The following ZFHX3 variants were observed in gnomAD, a reference collection of about 807,000 sequenced individuals.
ZFHX3 encodes zinc finger homeobox 3.
In ZFHX3, 42 loss-of-function variants were observed where a neutral mutation model predicts 279.1. The observed-to-expected ratio is 0.15, with a 90% CI of 0.12 to 0.19. ZFHX3 has a LOEUF of 0.19. Ranked by LOEUF, ZFHX3 falls within the 10% of genes least tolerant of loss-of-function variation. The pLI, the probability that ZFHX3 is intolerant of heterozygous loss-of-function variation, is 1.00. For missense variants in ZFHX3, 4,981 were observed against 4,754.0 expected, an observed-to-expected ratio of 1.05 and a Z score of -1.40; for synonymous variants, 2,293 against 1,957.8, an observed-to-expected ratio of 1.17 and a Z score of -4.52.
chr16:73,654,199 A>G (rs1007683929), intron 2 of ZFHX3, among the ~76,000 whole-genome samples: 1 of 151,776 alleles, frequency 6.6e-6, no homozygotes, highest in Non-Finnish European at 1.5e-5. Context: ...AAAAAAAAAA[A>G]AGATAAAAAG....
intron 1 of ZFHX3, among the ~76,000 whole-genome samples, chr16:73,728,016 C>CG (rs1749805308): frequency 2.4e-4 from 1 of 4,132 alleles, no homozygotes; most frequent in Non-Finnish European, 7.3e-4. Context: ...CCGAATTGTG[C>CG]CCCCCCCCCG....
At chr16:73,337,897 G>GC (rs947571193) in intron 3 of ZFHX3, among the ~76,000 whole-genome samples, 1 of 140,744 alleles carries the variant, frequency 7.1e-6, no homozygotes, top group South Asian at 2.3e-4. Flanking sequence ...CTTGGCGGGG[G>GC]GGGGGGTCCT....
chr16:73,716,758 T>C (rs1051227077), intron 1 of ZFHX3, among the ~76,000 whole-genome samples: 4 of 152,134 alleles, frequency 2.6e-5, no homozygotes, highest in African/African-American at 9.7e-5. Context: ...TCTGCATTTG[T>C]TCGGCTCCTT....
chr16:73,078,302 C>T (rs1339506001), intron 8 of ZFHX3, among the ~76,000 whole-genome samples: 1 of 152,134 alleles, frequency 6.6e-6, no homozygotes, highest in African/African-American at 2.4e-5. Flanking sequence ...CAGAGACAAC[C>T]TCGAAGTCAA....
intron 1 of ZFHX3, among the ~76,000 whole-genome samples, chr16:73,810,335 G>A (rs945743045): frequency 2.6e-5 from 4 of 152,086 alleles, no homozygotes; most frequent in Non-Finnish European, 4.4e-5. Context: ...TTCTCTTTCA[G>A]GGAAGATCAA....
At chr16:72,990,279 C>T (rs1963031490) in intron 1 of ZFHX3, among the ~76,000 whole-genome samples, 1 of 152,204 alleles carries the variant, frequency 6.6e-6, no homozygotes, top group Admixed American at 6.5e-5. Context: ...TCTCCCAGGT[C>T]CTGGCCTGTA....
At chr16:72,898,439 C>T (rs907226886) in intron 3 of ZFHX3, among the ~76,000 whole-genome samples, 2 of 152,162 alleles carry the variant, frequency 1.3e-5, no homozygotes, top group Non-Finnish European at 2.9e-5. Context: ...TTTTCCCTTG[C>T]ACGAATCACA....
At chr16:72,812,846 C>T (rs199796404) in intron 5 of ZFHX3, among the ~76,000 whole-genome samples, 5 of 152,228 alleles carry the variant, frequency 3.3e-5, no homozygotes, top group South Asian at 4.2e-4. Flanking sequence ...ACAGCACGTA[C>T]GGAAGTGCTG....
chr16:73,066,286 C>T (rs1298979242), intron 8 of ZFHX3, among the ~76,000 whole-genome samples: 2 of 152,090 alleles, frequency 1.3e-5, no homozygotes, highest in Non-Finnish European at 1.5e-5. Flanking sequence ...TGTTGTATAG[C>T]GCAGGCCCCT....
intron 2 of ZFHX3, among the ~76,000 whole-genome samples, chr16:73,674,010 A>G (rs1157473106): frequency 1.3e-5 from 2 of 152,162 alleles, no homozygotes; most frequent in South Asian, 2.1e-4. Context: ...AAACAAAAAC[A>G]TCTCCCAAAC....
intron 4 of ZFHX3, among the ~76,000 whole-genome samples, chr16:72,854,445 C>T: frequency 6.6e-6 from 1 of 152,090 alleles, no homozygotes. Flanking sequence ...AGAGGGAAGG[C>T]TTAAAGAATG....
chr16:73,481,927 C>A (rs1388596611), intron 2 of ZFHX3, among the ~76,000 whole-genome samples: 1 of 152,078 alleles, frequency 6.6e-6, no homozygotes, highest in Non-Finnish European at 1.5e-5. Context: ...GGTCTTGAGC[C>A]CTGTTGTCAT....
Position 73,097,248 on chromosome 16 carries a change from T to TTTTTTC in ZFHX3, c.-896-3651_-896-3650insGAAAAA, listed in dbSNP as rs1174267560. Among the ~76,000 whole-genome samples the TTTTTTC allele has an allele frequency of 2.1e-4, 31 of 150,660 alleles. 1 individual carries two copies. The highest frequency in any genetic ancestry group is 7.1e-4 in the African/African-American group (29 of 40,782). On this transcript the variant is annotated intron_variant, in intron 7 of 17. Transcript: ENST00000641206. ...TAATTTTAATTTTTTTTTTTTTTTT[T>TTTTTTC]TGTAGAGACAGGACTTGCTCTGTTG... is the stretch of plus-strand genomic sequence containing the variant.
At chr16:73,681,369 G>A (rs2053008082) in intron 1 of ZFHX3, among the ~76,000 whole-genome samples, 1 of 152,122 alleles carries the variant, frequency 6.6e-6, no homozygotes, top group South Asian at 2.1e-4. Context: ...AATGCAGCAG[G>A]CATAGAGTAA....
intron 4 of ZFHX3, among the ~76,000 whole-genome samples, chr16:72,851,984 ACTT>A (rs1356021230): frequency 3.9e-5 from 6 of 152,194 alleles, no homozygotes; most frequent in Non-Finnish European, 7.3e-5. Context: ...TTAGCATAAA[ACTT>A]CTGCCATTTT....
chr16:73,160,161 A>G (rs1248110420), intron 5 of ZFHX3, among the ~76,000 whole-genome samples: 1 of 152,214 alleles, frequency 6.6e-6, no homozygotes, highest in Non-Finnish European at 1.5e-5. Context: ...CTTTCTGGGT[A>G]AGAGCATTGT....
At chr16:73,557,494 C>T (rs992372056) in intron 2 of ZFHX3, among the ~76,000 whole-genome samples, 6 of 152,062 alleles carry the variant, frequency 3.9e-5, no homozygotes, top group Admixed American at 3.9e-4. Flanking sequence ...CTGCTGGTTG[C>T]CCATTTTTAT....
intron 5 of ZFHX3, among the ~76,000 whole-genome samples, chr16:73,181,657 G>C (rs1418546188): frequency 2.0e-5 from 3 of 152,200 alleles, no homozygotes; most frequent in East Asian, 1.9e-4. Context: ...ATCACTTAAA[G>C]AGAACTGAGC....
chr16:72,899,277 T>C (rs1167598098), intron 3 of ZFHX3, among the ~76,000 whole-genome samples: 1 of 152,156 alleles, frequency 6.6e-6, no homozygotes, highest in Non-Finnish European at 1.5e-5. Flanking sequence ...AACTGAATCA[T>C]GGGTGCAGTT....
Sources: allele counts gnomAD v4.1 joint callset (sites outside exome capture counted in the v4.1 genomes callset), GRCh38; gene constraint gnomAD v4.1.1; transcripts MANE v1.5; gene names NCBI Gene and HGNC (gene_info 2026-07-23, HGNC 2026-07-21).